GRID2: variants seen among roughly 807,000 people sequenced by gnomAD.
GRID2 encodes the protein glutamate receptor ionotropic, delta-2.
Under a neutral mutation model 114.8 loss-of-function variants are expected in GRID2, and 33 were observed. The ratio of observed to expected loss-of-function variants is 0.29; its 90% confidence interval spans 0.22 to 0.38. The LOEUF is 0.38. GRID2 is among the 10% of genes least tolerant of loss of function. The pLI, the probability that GRID2 is intolerant of heterozygous loss-of-function variation, is 1.00. For synonymous variants in GRID2, 505 were observed against 449.9 expected (o/e 1.12, Z -1.55); for missense variants, 1,184 against 1,257.7 (o/e 0.94, Z 0.89).
chr4:93,614,086 C>T (rs578126698), intron 13 of GRID2, among the ~76,000 whole-genome samples: 18 of 152,240 alleles, frequency 1.2e-4, no homozygotes, highest in East Asian at 5.8e-4. Context: ...CAGGTGCGTC[C>T]GTCACCCCTT....
intron 2 of GRID2, among the ~76,000 whole-genome samples, chr4:93,077,402 C>G (rs1729432737): frequency 6.6e-6 from 1 of 152,100 alleles, no homozygotes; most frequent in Admixed American, 6.6e-5. Flanking sequence ...ACATCTTTCT[C>G]AAGATATTAT....
chr4:92,757,419 A>G (rs1737776257), intron 2 of GRID2, among the ~76,000 whole-genome samples: 1 of 152,100 alleles, frequency 6.6e-6, no homozygotes, highest in Non-Finnish European at 1.5e-5. Context: ...AATGTTGACA[A>G]AAATATTTAT....
chr4:92,998,659 G>A (rs1432854932), intron 2 of GRID2, among the ~76,000 whole-genome samples: 1 of 151,078 alleles, frequency 6.6e-6, no homozygotes, highest in Non-Finnish European at 1.5e-5. Flanking sequence ...GTGTTTTCTG[G>A]GAAGAGGGTC....
At chr4:92,775,947 A>T (rs1259008989) in intron 2 of GRID2, among the ~76,000 whole-genome samples, 1 of 152,190 alleles carries the variant, frequency 6.6e-6, no homozygotes, top group East Asian at 1.9e-4. Context: ...TATGTTTAAG[A>T]AATGAGTAAT....
chr4:93,513,727 C>A (rs1052476365), intron 12 of GRID2, among the ~76,000 whole-genome samples: 2 of 152,070 alleles, frequency 1.3e-5, no homozygotes, highest in Non-Finnish European at 2.9e-5. Flanking sequence ...ATCAAAAACA[C>A]AAAACTCAAT....
At chr4:93,243,062 A>G (rs1747730925) in intron 8 of GRID2, among the ~76,000 whole-genome samples, 1 of 152,028 alleles carries the variant, frequency 6.6e-6, no homozygotes, top group Admixed American at 6.6e-5. Flanking sequence ...GAAAGGCACT[A>G]TAAATATTTA....
In GRID2 at chr4:93,543,710, T is replaced by TAGAGAGAGAGAGAG. The variant is rs34742442; in HGVS notation, c.2193+28323_2193+28336dup. Among the ~76,000 whole-genome samples, 88 of 133,588 alleles carry TAGAGAGAGAGAGAG rather than the reference T, an allele frequency of 6.6e-4. 2 individuals are homozygous for TAGAGAGAGAGAGAG. Among genetic ancestry groups the TAGAGAGAGAGAGAG allele is most frequent in the East Asian group, 6.2e-3 (26 of 4,216 alleles). 87.6% of individuals were successfully genotyped at this position (133,588 alleles called of 152,430 possible). A position where few individuals can be genotyped will look rare whatever the true frequency, so the allele number is the denominator to read the frequency against. On this transcript the variant is annotated intron_variant, in intron 13 of 15. Coordinates refer to ENST00000282020, the MANE Select transcript of GRID2 (RefSeq NM_001510.4). ...AGCAAGAGTGAGAGTGAGTGAGAGA[T>TAGAGAGAGAGAGAG]AGAGAGAGAGAGAGAGAGAGAGAGA...
chr4:93,725,504 T>C (rs1729787294), intron 14 of GRID2, among the ~76,000 whole-genome samples: 1 of 152,004 alleles, frequency 6.6e-6, no homozygotes. Flanking sequence ...TACCCAGTAA[T>C]GGGATGGCTG....
intron 1 of GRID2, among the ~76,000 whole-genome samples, chr4:92,421,433 C>T (rs1474392958): frequency 6.6e-6 from 1 of 152,082 alleles, no homozygotes; most frequent in African/African-American, 2.4e-5. Flanking sequence ...TCCCAAAGCA[C>T]TGTCACCTTT....
chr4:93,205,793 A>G (rs998175030), intron 4 of GRID2, among the ~76,000 whole-genome samples: 2 of 151,950 alleles, frequency 1.3e-5, no homozygotes, highest in Admixed American at 6.6e-5. Flanking sequence ...AAGTGTTCCT[A>G]TTTCTCCACA....
At chr4:92,797,915 A>G (rs1430039402) in intron 2 of GRID2, among the ~76,000 whole-genome samples, 1 of 151,998 alleles carries the variant, frequency 6.6e-6, no homozygotes, top group African/African-American at 2.4e-5. Flanking sequence ...CAAATGTAAT[A>G]CAGCAATTTA....
intron 1 of GRID2, among the ~76,000 whole-genome samples, chr4:92,478,729 CT>C (rs1722438256): frequency 6.6e-6 from 1 of 152,068 alleles, no homozygotes; most frequent in African/African-American, 2.4e-5. Context: ...TATCTGACTT[CT>C]TTTTTTCCCT....
At chr4:93,044,184 G>A (rs1472821235) in intron 2 of GRID2, among the ~76,000 whole-genome samples, 31 of 151,946 alleles carry the variant, frequency 2.0e-4, no homozygotes, top group African/African-American at 4.8e-5. Context: ...AGAAAGCTTC[G>A]TAGAGTTTAT....
intron 6 of GRID2, among the ~76,000 whole-genome samples, chr4:93,223,962 A>G (rs1356074138): frequency 6.6e-6 from 1 of 152,164 alleles, no homozygotes. Context: ...GTATTAATGT[A>G]AACACACATT....
intron 1 of GRID2, among the ~76,000 whole-genome samples, chr4:92,559,778 T>C (rs1727028119): frequency 6.6e-6 from 1 of 152,156 alleles, no homozygotes; most frequent in Non-Finnish European, 1.5e-5. Context: ...AGTGACAGGT[T>C]TGTATACAAA....
intron 2 of GRID2, among the ~76,000 whole-genome samples, chr4:92,761,686 G>A (rs902095772): frequency 3.9e-5 from 6 of 152,066 alleles, no homozygotes; most frequent in African/African-American, 1.4e-4. Flanking sequence ...GGCTCACAAG[G>A]AAAGGCTTAT....
At chr4:93,580,835 C>A (rs1299252182) in intron 13 of GRID2, among the ~76,000 whole-genome samples, 3 of 146,346 alleles carry the variant, frequency 2.0e-5, no homozygotes, top group Non-Finnish European at 3.0e-5. Context: ...CCCCATACCA[C>A]AAAATAACAA....
intron 1 of GRID2, among the ~76,000 whole-genome samples, chr4:92,583,888 CAT>C (rs143917172): frequency 0.088 from 12,939 of 146,818 alleles, 651 homozygotes; most frequent in East Asian, 0.17. Flanking sequence ...TGCATATGTG[CAT>C]ATATATGTGT....
At chr4:93,274,192 G>A (rs1345689906) in intron 8 of GRID2, among the ~76,000 whole-genome samples, 2 of 151,940 alleles carry the variant, frequency 1.3e-5, no homozygotes, top group Admixed American at 6.6e-5. Context: ...TCCTGCAGTG[G>A]CATTGATAGT....
Sources: allele counts gnomAD v4.1 joint callset (sites outside exome capture counted in the v4.1 genomes callset), GRCh38; gene constraint gnomAD v4.1.1; transcripts MANE v1.5; gene names NCBI Gene and HGNC (gene_info 2026-07-23, HGNC 2026-07-21).